Variants in EPHB1 observed in about 807,000 individuals in gnomAD.
EPHB1 encodes EPH receptor B1, also known as ephrin type-B receptor 1.
Under a neutral mutation model 94.4 loss-of-function variants are expected in EPHB1, and 30 were observed. The ratio of observed to expected loss-of-function variants is 0.32; its 90% confidence interval spans 0.24 to 0.43. The LOEUF is 0.43. Ranked by LOEUF, EPHB1 falls within the 20% of genes least tolerant of loss-of-function variation. EPHB1 has a pLI of 1.00. For missense variants in EPHB1, 1,055 were observed against 1,308.3 expected, an observed-to-expected ratio of 0.81 and a Z score of 2.99; for synonymous variants, 522 against 489.1, an observed-to-expected ratio of 1.07 and a Z score of -0.89.
chr3:134,972,427 AAG>A (rs1934008640), intron 3 of EPHB1, among the ~76,000 whole-genome samples: 2 of 145,626 alleles, frequency 1.4e-5, no homozygotes, highest in African/African-American at 2.5e-5. Context: ...TAACATATAA[AAG>A]AGGTAATATA....
At chr3:135,077,747 A>C (rs1175474442) in intron 3 of EPHB1, among the ~76,000 whole-genome samples, 1 of 152,206 alleles carries the variant, frequency 6.6e-6, no homozygotes, top group African/African-American at 2.4e-5. Context: ...GGCCCATTCC[A>C]GGGCCACAAC....
chr3:135,132,829 C>A lies in EPHB1; in HGVS notation c.1077C>A (p.Ile359=). ...GGGATGATGTGACCTACAACATCATCTGCAAAAAGTGCCGGGCAGACCGCC... is the reference window on the plus strand; with the variant it reads ...GGGATGATGTGACCTACAACATCATATGCAAAAAGTGCCGGGCAGACCGCC... The part of the protein sequence containing the change: ...GGRDDVTYNI[I]CKKCRADRRS... Residue 359 remains isoleucine (I), a synonymous_variant, in exon 5 of 16, where the codon ATC becomes ATA. Coordinates refer to ENST00000398015, the MANE Select transcript of EPHB1 (RefSeq NM_004441.5). The A allele has an allele frequency of 6.2e-7, 1 of 1,614,050 alleles. No homozygotes were observed. Among genetic ancestry groups the A allele is most frequent in the Non-Finnish European group, 8.5e-7 (1 of 1,179,892 alleles).
At chr3:135,252,136 C>A (rs1286347983) in intron 15 of EPHB1, among the ~76,000 whole-genome samples, 1 of 151,550 alleles carries the variant, frequency 6.6e-6, no homozygotes, top group Non-Finnish European at 1.5e-5. Flanking sequence ...AGCATGCACA[C>A]AAAAAAATTG....
chr3:135,171,066 G>A (rs1941789611), intron 9 of EPHB1, among the ~76,000 whole-genome samples: 2 of 152,152 alleles, frequency 1.3e-5, no homozygotes, highest in African/African-American at 4.8e-5. Flanking sequence ...ACAGGAGTCT[G>A]AACTTGATCC....
rs147407476 is a variant in EPHB1, at chr3:135,048,548, G to A, written c.806-57900G>A. 1.9e-3 allele frequency among the ~76,000 whole-genome samples: 295 copies of A among 152,208 alleles called. 4 individuals carry two copies. The highest frequency in any genetic ancestry group is 7.0e-3 in the African/African-American group (289 of 41,546). On this transcript the variant is annotated intron_variant, in intron 3 of 15. Coordinates refer to ENST00000398015, the MANE Select transcript of EPHB1 (RefSeq NM_004441.5). ...GCCTCCCAAAGTGCTGGGATTACAG[G>A]CATGAGTCATTGCATCCTTCCAAAA...
intron 1 of EPHB1, among the ~76,000 whole-genome samples, chr3:134,847,867 C>A (rs2036904952): frequency 6.6e-6 from 1 of 152,174 alleles, no homozygotes; most frequent in Non-Finnish European, 1.5e-5. Context: ...TGCCCTGATA[C>A]CCTGCCTGGA....
intron 3 of EPHB1, among the ~76,000 whole-genome samples, chr3:135,061,577 C>A (rs1937510758): frequency 6.6e-6 from 1 of 151,816 alleles, no homozygotes; most frequent in African/African-American, 2.4e-5. Flanking sequence ...AGTATTCCAT[C>A]ATATATATTT....
chr3:134,963,020 C>A (rs1933582920), intron 3 of EPHB1, among the ~76,000 whole-genome samples: 1 of 152,012 alleles, frequency 6.6e-6, no homozygotes, highest in African/African-American at 2.4e-5. Context: ...GTTTTTGTCC[C>A]CCTGCTCTGT....
At chr3:134,982,755 CAG>C (rs1258793337) in intron 3 of EPHB1, among the ~76,000 whole-genome samples, 1 of 152,050 alleles carries the variant, frequency 6.6e-6, no homozygotes, top group Non-Finnish European at 1.5e-5. Flanking sequence ...AGGCATTAAA[CAG>C]AGCTTTTAAA....
At chr3:134,947,678 T>C (rs2039239497) in intron 2 of EPHB1, among the ~76,000 whole-genome samples, 1 of 152,252 alleles carries the variant, frequency 6.6e-6, no homozygotes, top group Non-Finnish European at 1.5e-5. Flanking sequence ...CCAGAGAGGT[T>C]AATGTTTGAA....
Position 135,161,947 on chromosome 3 carries a change from C to G in EPHB1, c.1423-71C>G. The G allele has an allele frequency of 4.6e-6, 7 of 1,514,220 alleles. No individual in the cohort carries two copies. The South Asian group carries it at 9.1e-5, about 20-fold the overall frequency. 93.8% of individuals were successfully genotyped at this position (1,514,220 alleles called of 1,614,324 possible). On this transcript the variant is annotated intron_variant, in intron 6 of 15. Transcript: ENST00000398015. ...CAAGAAATGATGGGGCCTGAATACT[C>G]CAGGGTGGAGTGGGCTGGGGGTGTA...
intron 6 of EPHB1, among the ~76,000 whole-genome samples, chr3:135,158,565 C>T (rs1052753999): frequency 1.3e-5 from 2 of 152,072 alleles, no homozygotes; most frequent in South Asian, 2.1e-4. Context: ...CCTTGGTTTG[C>T]GCTTAGGACC....
intron 1 of EPHB1, among the ~76,000 whole-genome samples, chr3:134,920,042 A>G (rs1472417486): frequency 1.3e-5 from 2 of 151,736 alleles, no homozygotes; most frequent in Admixed American, 6.6e-5. Flanking sequence ...TCCATCTCCT[A>G]CCATTCACTG....
rs1281931572 is a variant in EPHB1 at position 135,027,806 on chromosome 3, T to C, written c.805+75754T>C. On this transcript the variant is annotated intron_variant, in intron 3 of 15. Transcript: ENST00000398015. ...ATAGTTTCAGAAGGAATGGTACCAG[T>C]TCCTCCTTGTACCTCTGGTAGAATT... Among the ~76,000 whole-genome samples the C allele has an allele frequency of 3.1e-5, 4 of 128,414 alleles. 1 individual carries two copies. The highest frequency in any genetic ancestry group is 6.9e-5 in the Non-Finnish European group (4 of 57,770). 84.2% of individuals were successfully genotyped at this position (128,414 alleles called of 152,430 possible). A position where few individuals can be genotyped will look rare whatever the true frequency, so the allele number is the denominator to read the frequency against.
intron 3 of EPHB1, among the ~76,000 whole-genome samples, chr3:135,084,917 T>C (rs1938296925): frequency 6.6e-6 from 1 of 152,090 alleles, no homozygotes; most frequent in African/African-American, 2.4e-5. Flanking sequence ...ACAGCAAAGG[T>C]GAGGGAATTA....
intron 3 of EPHB1, among the ~76,000 whole-genome samples, chr3:135,038,636 C>T (rs1049859038): frequency 3.3e-5 from 5 of 152,022 alleles, no homozygotes; most frequent in African/African-American, 9.7e-5. Flanking sequence ...TAAGGTGGCG[C>T]GTCTGGAGTC....
At chr3:135,043,928 T>A (rs557489565) in intron 3 of EPHB1, among the ~76,000 whole-genome samples, 1 of 152,298 alleles carries the variant, frequency 6.6e-6, no homozygotes, top group Admixed American at 6.5e-5. Context: ...AGCCCTGCCA[T>A]GGAGCCTCCT....
Position 134,881,872 on chromosome 3 carries a change from T to G in EPHB1, c.59-43944T>G, listed in dbSNP as rs543518163. Among the ~76,000 whole-genome samples, 337 of 152,316 alleles carry G rather than the reference T, an allele frequency of 2.2e-3. 2 individuals carry two copies. The highest frequency in any genetic ancestry group is 7.6e-3 in the African/African-American group (315 of 41,558). On this transcript the variant is annotated intron_variant, in intron 1 of 15. Coordinates refer to ENST00000398015, the MANE Select transcript of EPHB1 (RefSeq NM_004441.5). ...GAGTGACTGCCATGACATCTGACCA[T>G]GGTTTCATGCAGTTTCCATCAAAGA...
chr3:135,052,909 A>ATATATATATATATATGTG (rs1217744067), intron 3 of EPHB1, among the ~76,000 whole-genome samples: 20 of 68,846 alleles, frequency 2.9e-4, no homozygotes, highest in East Asian at 7.4e-4. Context: ...ATATATATAT[A>ATATATATATATATATGTG]TGTGTGTGTG....
Sources: gnomAD v4.1 joint callset for allele counts (sites outside exome capture counted in the v4.1 genomes callset) on GRCh38, gnomAD v4.1.1 for gene constraint, MANE v1.5 for transcripts, NCBI Gene and HGNC (gene_info 2026-07-23, HGNC 2026-07-21) for gene names.